The following STK31 variants were observed in gnomAD, a reference collection of about 807,000 sequenced individuals.
The protein encoded by STK31 is serine/threonine kinase 31.
STK31 carries 89 observed loss-of-function variants against 129.7 expected under a neutral mutation model. That is an observed-to-expected ratio of 0.69 (90% confidence interval 0.58 to 0.82). The LOEUF is 0.82. Ranked by LOEUF, STK31 falls within the 40% of genes least tolerant of loss-of-function variation. The pLI, the probability that STK31 is intolerant of heterozygous loss-of-function variation, is 0.00. For missense variants in STK31, 1,187 were observed against 1,176.4 expected (o/e 1.01, Z -0.13); for synonymous variants, 448 against 395.3 (o/e 1.13, Z -1.58).
At chr7:23,817,034 A>G (rs1793508342) in intron 23 of STK31, among the ~76,000 whole-genome samples, 1 of 152,080 alleles carries the variant, frequency 6.6e-6, no homozygotes, top group African/African-American at 2.4e-5. Context: ...AAAAATACAA[A>G]AAAATTAGCT....
chr7:23,725,065 C>T (rs555966869), intron 4 of STK31, among the ~76,000 whole-genome samples: 3 of 152,274 alleles, frequency 2.0e-5, no homozygotes, highest in African/African-American at 7.2e-5. Context: ...GCCTAATGGG[C>T]CTTCTCCCCT....
chr7:23,712,302 G>C lies in STK31; in HGVS notation c.150+16G>C, dbSNP rs747400282. On this transcript the variant is annotated intron_variant, in intron 3 of 23. Transcript: ENST00000355870. ...TTGGGCCCAGGTAAATAGCAAACTG[G>C]TTGATATCCCCCCTCACCTCCCCCA... is the stretch of plus-strand genomic sequence containing the variant. 1 of 1,613,696 alleles carries C rather than the reference G, an allele frequency of 6.2e-7. No individual in the cohort carries two copies. The highest frequency in any genetic ancestry group is 1.1e-5 in the South Asian group (1 of 91,068).
At chr7:23,791,004 G>A in intron 22 of STK31, 58 bp downstream of exon 22, 1 of 1,259,098 alleles carries the variant, frequency 7.9e-7, no homozygotes, top group Non-Finnish European at 1.0e-6. Context: ...TATATAAAGT[G>A]ATGATTTTAT....
chr7:23,825,294 C>CAGAGATTCA (rs1794064827), intron 23 of STK31, among the ~76,000 whole-genome samples: 1 of 152,160 alleles, frequency 6.6e-6, no homozygotes, highest in Non-Finnish European at 1.5e-5. Flanking sequence ...TTGGTCTATT[C>CAGAGATTCA]AGAGATTCAA....
Position 23,832,186 on chromosome 7 carries a change from A to C in STK31, c.2880A>C (p.Ser960=). Residue 960 remains serine (S), a synonymous_variant, in exon 24 of 24, where the codon TCA becomes TCC. Coordinates refer to ENST00000355870, the MANE Select transcript of STK31 (RefSeq NM_031414.5). ...LLCSLICYRS[S]MTAEQVLNAE... ...GTAGCTTGATATGTTATAGAAGTTC[A>C]ATGACTGCTGAACAAGTTTTAAATG... 1.2e-6 allele frequency: 2 copies of C among 1,614,176 alleles called. No homozygotes were observed. The highest frequency in any genetic ancestry group is 1.7e-6 in the Non-Finnish European group (2 of 1,180,024).
At chr7:23,715,206 CA>C (rs1473438291) in intron 3 of STK31, among the ~76,000 whole-genome samples, 1 of 83,982 alleles carries the variant, frequency 1.2e-5, no homozygotes, top group Non-Finnish European at 2.4e-5. Flanking sequence ...GTGTATTCTC[CA>C]TTTTTTTTTG....
At chr7:23,771,906 G>A (rs1790222378) in intron 14 of STK31, 1 of 260,180 alleles carries the variant, frequency 3.8e-6, no homozygotes, top group Non-Finnish European at 7.2e-6. Flanking sequence ...GTATGTCTCA[G>A]TTTGAAATAT....
At chr7:23,814,673 G>A (rs554571000) in intron 22 of STK31, among the ~76,000 whole-genome samples, 64 of 152,088 alleles carry the variant, frequency 4.2e-4, no homozygotes, top group African/African-American at 1.5e-3. Context: ...ATACCTTTGT[G>A]TATGTAAAAA....
In STK31 at chr7:23,832,355, T is replaced by C. The variant is rs923375975; in HGVS notation, c.3049T>C (p.Phe1017Leu). 6.2e-7 allele frequency: 1 copy of C among 1,607,732 alleles called. No homozygotes were observed. Among genetic ancestry groups the C allele is most frequent in the Non-Finnish European group, 8.5e-7 (1 of 1,178,394 alleles). ...GAAGACAAGAAATGGTGAAGCCAAC[T>C]TTGATTGTTAAATTATTATTGTTGT... ...MEKTRNGEANFDC is the reference protein window; with the variant it reads ...MEKTRNGEANLDC The change falls in exon 24 of 24, where the codon TTT becomes CTT. Residue 1017 changes from phenylalanine (F) to leucine (L), a missense_variant. Transcript: ENST00000355870.
chr7:23,742,991 C>T lies in STK31; in HGVS notation c.1017+5913C>T, dbSNP rs141274246. 3.6e-3 allele frequency among the ~76,000 whole-genome samples: 532 copies of T among 148,298 alleles called. 8 individuals are homozygous for T. The highest frequency in any genetic ancestry group is 0.012 in the African/African-American group (482 of 40,050). ...TTTTTGAGACAGAGTCTTGCTCTGT[C>T]GCCCAGGCTGGAGTGCAATGGCACG... On this transcript the variant is annotated intron_variant, in intron 8 of 23. Coordinates refer to ENST00000355870, the MANE Select transcript of STK31 (RefSeq NM_031414.5).
chr7:23,721,702 A>G (rs772850853), intron 4 of STK31: 66 of 794,998 alleles, frequency 8.3e-5, no homozygotes, highest in Non-Finnish European at 1.2e-4. Context: ...GTTTACCATT[A>G]TCATTCTTAC....
intron 15 of STK31, among the ~76,000 whole-genome samples, chr7:23,777,720 A>G (rs1458015224): frequency 6.6e-6 from 1 of 151,806 alleles, no homozygotes; most frequent in African/African-American, 2.4e-5. Context: ...TTTTGAGCCT[A>G]TGGTGTGTCT....
At chr7:23,715,038 A>T (rs1173040754) in intron 3 of STK31, among the ~76,000 whole-genome samples, 1 of 152,218 alleles carries the variant, frequency 6.6e-6, no homozygotes, top group East Asian at 1.9e-4. Context: ...GCATGAAAAG[A>T]TTAAACATTA....
chr7:23,734,204 T>TTATA (rs1306593028), intron 6 of STK31, among the ~76,000 whole-genome samples: 17 of 152,310 alleles, frequency 1.1e-4, no homozygotes, highest in African/African-American at 4.1e-4. Flanking sequence ...TTTTTTGTAT[T>TTATA]TATAGAGTGG....
rs1042481761 is a variant in STK31 at position 23,751,719 on chromosome 7, G to A, written c.1018-998G>A. ...TCCCTTTTGTTCTATTAGATTTTGT[G>A]ATTTTTTTAAAAAAAGTTCTATTAT... On this transcript the variant is annotated intron_variant, in intron 8 of 23. Coordinates refer to ENST00000355870, the MANE Select transcript of STK31 (RefSeq NM_031414.5). Among the ~76,000 whole-genome samples, 3 of 152,074 alleles carry A rather than the reference G, an allele frequency of 2.0e-5. No homozygotes were observed. The South Asian group carries it at 6.2e-4, about 32-fold the overall frequency.
At chr7:23,727,803 G>A (rs1216492516) in intron 5 of STK31, among the ~76,000 whole-genome samples, 2 of 151,574 alleles carry the variant, frequency 1.3e-5, no homozygotes, top group African/African-American at 4.8e-5. Flanking sequence ...CAGGTGATCC[G>A]TCCGCCTCAG....
chr7:23,789,997 A>G (rs767516610), intron 21 of STK31, among the ~76,000 whole-genome samples: 3 of 152,162 alleles, frequency 2.0e-5, no homozygotes, highest in African/African-American at 7.2e-5. Context: ...CTTATAGTGC[A>G]TACAACTCAC....
intron 6 of STK31, among the ~76,000 whole-genome samples, chr7:23,734,700 C>T (rs560341640): frequency 6.6e-6 from 1 of 152,254 alleles, no homozygotes; most frequent in South Asian, 2.1e-4. Flanking sequence ...CGAGGTGGCT[C>T]ACCCCTGTAA....
In STK31 at chr7:23,771,116, A is replaced by G. The variant is rs767900918; in HGVS notation, c.1825A>G (p.Ser609Gly). Residue 609 changes from serine (S) to glycine (G), a missense_variant, in exon 14 of 24, where the codon AGT becomes GGT. By Grantham distance (56) the Ser-to-Gly change is moderately conservative. Coordinates refer to ENST00000355870, the MANE Select transcript of STK31 (RefSeq NM_031414.5). ...IATVQAKYKD[S>G]IEFKKQLIEY... Reference sequence around the variant, plus strand: ...CACAGTACAAGCTAAGTACAAGGACAGTATTGAGGTTTGATTGTGCTTTCT... The same window carrying G: ...CACAGTACAAGCTAAGTACAAGGACGGTATTGAGGTTTGATTGTGCTTTCT... 168 of 1,583,294 alleles carry G rather than the reference A, an allele frequency of 1.1e-4. No homozygotes were observed. The highest frequency in any genetic ancestry group is 1.4e-4 in the Non-Finnish European group (161 of 1,169,054).
Sources: gnomAD v4.1 joint callset for allele counts (sites outside exome capture counted in the v4.1 genomes callset) on GRCh38, gnomAD v4.1.1 for gene constraint, MANE v1.5 for transcripts, NCBI Gene and HGNC (gene_info 2026-07-23, HGNC 2026-07-21) for gene names.